ZFAT: variants seen among roughly 807,000 people sequenced by gnomAD.
The protein encoded by ZFAT is zinc finger protein ZFAT.
A neutral mutation model predicts 117.7 loss-of-function variants in ZFAT; 64 were observed. That is an observed-to-expected ratio of 0.54 (90% CI 0.44 to 0.67). ZFAT has a LOEUF of 0.67. Ranked by LOEUF, ZFAT falls within the 30% of genes least tolerant of loss-of-function variation. ZFAT has a pLI of 0.00. For synonymous variants in ZFAT, 679 were observed against 615.0 expected (o/e 1.10, Z -1.54); for missense variants, 1,433 against 1,584.5 (o/e 0.90, Z 1.62).
chr8:134,801,322 T>C, the ZFAT span, among the ~76,000 whole-genome samples: 38 of 152,352 alleles, frequency 2.5e-4, no homozygotes, highest in South Asian at 4.1e-4. Context: ...GCATTCTTTC[T>C]GATTAAAAAT....
chr8:134,823,352 C>A, the ZFAT span, among the ~76,000 whole-genome samples: 4 of 152,096 alleles, frequency 2.6e-5, no homozygotes, highest in African/African-American at 9.7e-5. Flanking sequence ...GAAAATGATG[C>A]ACAATAAATA....
intron 10 of ZFAT, among the ~76,000 whole-genome samples, chr8:134,579,676 C>T (rs1332784391): frequency 3.3e-5 from 5 of 152,178 alleles, no homozygotes; most frequent in Non-Finnish European, 7.3e-5. Flanking sequence ...AAAAAGAACA[C>T]ATGGTGGCTC....
chr8:134,712,877 C>T lies in ZFAT; in HGVS notation c.-14G>A, dbSNP rs1208527597. The T allele has an allele frequency of 2.4e-5, 36 of 1,509,298 alleles. No homozygotes were observed. The highest frequency in any genetic ancestry group is 1.1e-4 in the Admixed American group (5 of 46,366). The allele number at this position is 1,509,298 out of a possible 1,614,324, so 93.5% of individuals were successfully genotyped here. On this transcript the variant is annotated 5_prime_UTR_variant, in exon 1 of 16. Coordinates refer to ENST00000377838, the MANE Select transcript of ZFAT (RefSeq NM_020863.4). Reference sequence around the variant, plus strand: ...CCGCGTCTCCATGGCAACGCCCCACCGCGGAGGAAAAAAAAGCCTCGGGCT... The same window carrying T: ...CCGCGTCTCCATGGCAACGCCCCACTGCGGAGGAAAAAAAAGCCTCGGGCT...
At chr8:134,795,188 A>G in the ZFAT span, 1 of 152,336 alleles carries the variant, frequency 6.6e-6, no homozygotes, top group South Asian at 2.1e-4. Context: ...CATTTGTATG[A>G]TAACGAAATG....
At chr8:134,579,529 C>A (rs1432843023) in intron 10 of ZFAT, among the ~76,000 whole-genome samples, 1 of 152,082 alleles carries the variant, frequency 6.6e-6, no homozygotes, top group Non-Finnish European at 1.5e-5. Context: ...CCACTGGGTC[C>A]CTCCCACATC....
At chr8:134,741,331 C>T in the ZFAT span, among the ~76,000 whole-genome samples, 44 of 152,272 alleles carry the variant, frequency 2.9e-4, 1 homozygote, top group South Asian at 1.9e-3. Context: ...ACTGCTCCAG[C>T]CAGGCTCTCC....
intron 11 of ZFAT, among the ~76,000 whole-genome samples, chr8:134,547,018 A>G (rs543810113): frequency 1.3e-5 from 2 of 152,364 alleles, no homozygotes; most frequent in African/African-American, 4.8e-5. Context: ...CCAAATTCAC[A>G]ACAGATAATG....
chr8:134,555,745 G>C (rs976879666), intron 11 of ZFAT, among the ~76,000 whole-genome samples: 17 of 151,640 alleles, frequency 1.1e-4, no homozygotes, highest in African/African-American at 3.9e-4. Context: ...TGATGTGCAG[G>C]TGCCCCAGAT....
intron 3 of ZFAT, among the ~76,000 whole-genome samples, chr8:134,636,109 A>G (rs1468437618): frequency 1.3e-5 from 2 of 152,222 alleles, no homozygotes; most frequent in Non-Finnish European, 2.9e-5. Context: ...TGCTCCATAA[A>G]TATTAGTTGA....
At chr8:134,564,704 G>A (rs1355297370) in intron 11 of ZFAT, among the ~76,000 whole-genome samples, 4 of 152,218 alleles carry the variant, frequency 2.6e-5, no homozygotes, top group Non-Finnish European at 5.9e-5. Flanking sequence ...GTAATTCTCA[G>A]GGTCAAGTTT....
At chr8:134,689,413 T>TA (rs762331137) in intron 1 of ZFAT, among the ~76,000 whole-genome samples, 1 of 152,162 alleles carries the variant, frequency 6.6e-6, no homozygotes, top group Non-Finnish European at 1.5e-5. Context: ...ATTCTTGAAT[T>TA]CCCTCCTGAG....
the ZFAT span, among the ~76,000 whole-genome samples, chr8:134,812,634 C>T: frequency 1.3e-5 from 2 of 152,114 alleles, no homozygotes; most frequent in Non-Finnish European, 1.5e-5. Flanking sequence ...ACTCAGGTGA[C>T]TGAGGCAGGA....
chr8:134,601,807 C>A lies in ZFAT; in HGVS notation c.1912G>T (p.Ala638Ser), dbSNP rs1477809616. ...GEVITLLLSK[A>S]QSAGSDQESH... is the part of the protein sequence containing the mutation. ...TCCTGATCTGACCCAGCACTCTGGG[C>A]CTTGGACAGCAGTAGTGTGATCACT... is the stretch of plus-strand genomic sequence containing the variant. Residue 638 changes from alanine (A) to serine (S), a missense_variant, in exon 6 of 16, where the codon GCC (alanine) becomes TCC (serine). Physicochemically the swap from Ala to Ser is moderately conservative, Grantham distance 99. Transcript: ENST00000377838. 1 of 1,613,896 alleles carries A rather than the reference C, an allele frequency of 6.2e-7. No homozygotes were observed. Among genetic ancestry groups the A allele is most frequent in the Admixed American group, 1.7e-5 (1 of 60,004 alleles).
chr8:134,819,864 G>C, the ZFAT span, among the ~76,000 whole-genome samples: 1 of 151,778 alleles, frequency 6.6e-6, no homozygotes, highest in Admixed American at 6.6e-5. Context: ...CTTCTCACGG[G>C]GGGAAGAAAA....
the ZFAT span, among the ~76,000 whole-genome samples, chr8:134,789,114 G>C: frequency 2.0e-4 from 30 of 152,000 alleles, no homozygotes; most frequent in South Asian, 6.2e-3. Flanking sequence ...TTCTATTCTT[G>C]CCTTCTTTTA....
intron 13 of ZFAT, among the ~76,000 whole-genome samples, chr8:134,515,388 G>A (rs917593921): frequency 3.3e-5 from 5 of 152,216 alleles, no homozygotes; most frequent in Admixed American, 1.3e-4. Context: ...TCACCACACC[G>A]TCTTCCACGA....
chr8:134,737,071 A>C, the ZFAT span, among the ~76,000 whole-genome samples: 2 of 152,172 alleles, frequency 1.3e-5, no homozygotes, highest in Non-Finnish European at 2.9e-5. Flanking sequence ...ACCTGAGGTC[A>C]GGTGTTCGAG....
intron 7 of ZFAT, chr8:134,600,168 A>C: frequency 2.0e-6 from 1 of 509,312 alleles, no homozygotes; most frequent in Non-Finnish European, 3.5e-6. Context: ...TACTCTATAG[A>C]TATCTCTTCT....
intron 3 of ZFAT, among the ~76,000 whole-genome samples, chr8:134,618,740 G>A (rs1391670473): frequency 6.6e-6 from 1 of 151,982 alleles, no homozygotes; most frequent in Non-Finnish European, 1.5e-5. Flanking sequence ...TATCATTTCT[G>A]CACAAAAGAA....
Sources: allele counts gnomAD v4.1 joint callset (sites outside exome capture counted in the v4.1 genomes callset), GRCh38; gene constraint gnomAD v4.1.1; transcripts MANE v1.5; gene names NCBI Gene and HGNC (gene_info 2026-07-23, HGNC 2026-07-21).